DEK: variants seen among roughly 807,000 people sequenced by gnomAD.
DEK encodes DEK proto-oncogene, also known as protein DEK.
DEK carries 28 observed loss-of-function variants against 46.8 expected under a neutral mutation model. The observed-to-expected ratio is 0.60, with a 90% CI of 0.44 to 0.82. The LOEUF (loss-of-function observed/expected upper bound fraction) is 0.82. Ranked by LOEUF, DEK falls within the 40% of genes least tolerant of loss-of-function variation. DEK has a pLI of 0.00. For missense variants in DEK, 416 were observed against 430.6 expected (o/e 0.97, Z 0.30); for synonymous variants, 160 against 144.5 (o/e 1.11, Z -0.77).
Position 18,225,678 on chromosome 6 carries a change from T to A in DEK, c.*41A>T. On this transcript the variant is annotated 3_prime_UTR_variant, in exon 11 of 11. Coordinates refer to ENST00000652689, the MANE Select transcript of DEK (RefSeq NM_003472.4). ...CTGGTATAATGGTATAAATCAGATCTTCAAATCTATGGGAACGAGTCATCT... is the reference window on the plus strand; with the variant it reads ...CTGGTATAATGGTATAAATCAGATCATCAAATCTATGGGAACGAGTCATCT... 1 of 1,607,142 alleles carries A rather than the reference T, an allele frequency of 6.2e-7. No homozygotes were observed. The highest frequency in any genetic ancestry group is 2.2e-5 in the East Asian group (1 of 44,626).
At chr6:18,261,195 T>TG (rs1162954017) in intron 2 of DEK, among the ~76,000 whole-genome samples, 1 of 152,080 alleles carries the variant, frequency 6.6e-6, no homozygotes, top group East Asian at 1.9e-4. Flanking sequence ...CCTCACCCCT[T>TG]GCACCAGCGT....
chr6:18,261,882 G>A (rs536646900), intron 2 of DEK, among the ~76,000 whole-genome samples: 2 of 152,298 alleles, frequency 1.3e-5, no homozygotes, highest in East Asian at 3.9e-4. Flanking sequence ...TGAAATGTGA[G>A]AAACATATGA....
At chr6:18,249,517 A>G (rs2151088906) in intron 7 of DEK, 134 bp downstream of exon 7, 1 of 1,312,044 alleles carries the variant, frequency 7.6e-7, no homozygotes, top group East Asian at 2.8e-5. Flanking sequence ...AAATGGGTTC[A>G]TACTTAATCA....
intron 9 of DEK, among the ~76,000 whole-genome samples, chr6:18,232,305 G>T (rs558934156): frequency 6.6e-6 from 1 of 152,300 alleles, no homozygotes; most frequent in Non-Finnish European, 1.5e-5. Flanking sequence ...ACTGGCACAA[G>T]ACAGGGATGC....
Position 18,225,430 on chromosome 6 carries a change from C to G in DEK, c.*289G>C. 2.8e-6 allele frequency: 1 copy of G among 357,604 alleles called. No homozygotes were observed. The highest frequency in any genetic ancestry group is 5.1e-6 in the Non-Finnish European group (1 of 197,852). The allele number at this position is 357,604 out of a possible 1,614,324, so 22.2% of individuals were successfully genotyped here. A position where few individuals can be genotyped will look rare whatever the true frequency, so the allele number is the denominator to read the frequency against. On this transcript the variant is annotated 3_prime_UTR_variant, in exon 11 of 11. Coordinates refer to ENST00000652689, the MANE Select transcript of DEK (RefSeq NM_003472.4). ...AAGTGCACTAAAAACCACAACAGCT[C>G]AAGAATCTATGACCTTATATAAAGA...
chr6:18,255,584 T>G, intron 6 of DEK, 147 bp downstream of exon 6: 1 of 937,322 alleles, frequency 1.1e-6, no homozygotes, highest in African/African-American at 1.7e-5. Context: ...TATCAGGAAA[T>G]TACTGCAGAT....
chr6:18,257,300 C>T (rs1406230600), intron 4 of DEK, among the ~76,000 whole-genome samples: 7 of 152,066 alleles, frequency 4.6e-5, no homozygotes, highest in Admixed American at 3.3e-4. Flanking sequence ...TTCTGAATGT[C>T]GAGAAAATCC....
At chr6:18,262,517 C>G (rs937743668) in intron 2 of DEK, among the ~76,000 whole-genome samples, 1 of 152,122 alleles carries the variant, frequency 6.6e-6, no homozygotes, top group African/African-American at 2.4e-5. Flanking sequence ...AATAATTTGT[C>G]TAGAACAAAA....
At chr6:18,253,331 T>C (rs956781532) in intron 6 of DEK, among the ~76,000 whole-genome samples, 1 of 152,226 alleles carries the variant, frequency 6.6e-6, no homozygotes, top group African/African-American at 2.4e-5. Context: ...ATAAACGTTA[T>C]GATTTCAAGT....
At position 18,237,427 on chromosome 6, in the gene DEK, TTTC is replaced by T; in HGVS notation, c.849_851del (p.Lys284del). ...TCTTCTTGGTGGTGCTGCTATCTGC[TTTC>T]TTAACATTGGCACTTTTCACAGATT... On this transcript the variant is annotated inframe_deletion, in exon 8 of 11. Transcript: ENST00000652689. The T allele has an allele frequency of 6.2e-7, 1 of 1,610,950 alleles. No homozygotes were observed.
chr6:18,228,629 G>A (rs1421343156), intron 9 of DEK, among the ~76,000 whole-genome samples: 1 of 152,176 alleles, frequency 6.6e-6, no homozygotes, highest in East Asian at 1.9e-4. Flanking sequence ...CCTAGCCAAA[G>A]GAAGCTGTGA....
intron 6 of DEK, among the ~76,000 whole-genome samples, chr6:18,254,562 A>G (rs966692240): frequency 1.3e-5 from 2 of 152,214 alleles, no homozygotes; most frequent in African/African-American, 4.8e-5. Flanking sequence ...GAAGATCAAA[A>G]TAACTCATAT....
chr6:18,260,274 A>G (rs958317983), intron 2 of DEK, among the ~76,000 whole-genome samples: 3 of 152,044 alleles, frequency 2.0e-5, no homozygotes, highest in African/African-American at 7.2e-5. Flanking sequence ...TAGGAATAAT[A>G]AAAAAATCTG....
chr6:18,232,307 C>G (rs1270541849), intron 9 of DEK, among the ~76,000 whole-genome samples: 1 of 152,180 alleles, frequency 6.6e-6, no homozygotes, highest in Non-Finnish European at 1.5e-5. Context: ...TGGCACAAGA[C>G]AGGGATGCCC....
intron 7 of DEK, among the ~76,000 whole-genome samples, chr6:18,248,346 A>AAG (rs1391948991): frequency 6.6e-6 from 1 of 152,168 alleles, no homozygotes. Flanking sequence ...TCTGCCCATA[A>AAG]AGAGAGTTTA....
In DEK at chr6:18,249,582, C is replaced by T. The variant is rs553832727; in HGVS notation, c.762+69G>A. On this transcript the variant is annotated intron_variant, in intron 7 of 10. Transcript: ENST00000652689. ...AATAAGGAAGTGTTTTCTGGCTGTA[C>T]CTTATAGCAGAAATATTTAACTCTC... 8.8e-5 allele frequency: 126 copies of T among 1,439,182 alleles called. 1 individual carries two copies. In the East Asian group the frequency reaches 3.0e-3, roughly 34 times the overall value. The allele number at this position is 1,439,182 out of a possible 1,614,324, so 89.2% of individuals were successfully genotyped here.
chr6:18,231,449 T>C (rs1790409584), intron 9 of DEK, among the ~76,000 whole-genome samples: 1 of 151,876 alleles, frequency 6.6e-6, no homozygotes, highest in Non-Finnish European at 1.5e-5. Context: ...TTTGAAAAGA[T>C]CAATAAAATT....
intron 7 of DEK, among the ~76,000 whole-genome samples, chr6:18,246,163 A>G (rs1791108668): frequency 6.6e-6 from 1 of 152,250 alleles, no homozygotes; most frequent in African/African-American, 2.4e-5. Flanking sequence ...CTAATCCCAC[A>G]TAGGAACCAG....
intron 7 of DEK, among the ~76,000 whole-genome samples, chr6:18,248,148 G>A (rs889042454): frequency 6.6e-6 from 1 of 151,988 alleles, no homozygotes; most frequent in African/African-American, 2.4e-5. Context: ...ACCCTATGAG[G>A]CTAATACTAT....
Sources: allele counts gnomAD v4.1 joint callset (sites outside exome capture counted in the v4.1 genomes callset), GRCh38; gene constraint gnomAD v4.1.1; transcripts MANE v1.5; gene names NCBI Gene and HGNC (gene_info 2026-07-23, HGNC 2026-07-21).